The following APBA2 variants were observed in gnomAD, a reference collection of about 807,000 sequenced individuals.
APBA2 encodes amyloid beta precursor protein binding family A member 2.
In APBA2, 30 loss-of-function variants were observed where a neutral mutation model predicts 75.0. That is an observed-to-expected ratio of 0.40 (90% CI 0.30 to 0.54). The LOEUF is 0.54. Among genes scored for constraint, APBA2 ranks in the 20% least tolerant of loss-of-function variants. APBA2 has a pLI of 0.49. For missense variants in APBA2, 801 were observed against 1,016.1 expected, an observed-to-expected ratio of 0.79 and a Z score of 2.88; for synonymous variants, 444 against 409.6, an observed-to-expected ratio of 1.08 and a Z score of -1.01.
intron 2 of APBA2, among the ~76,000 whole-genome samples, chr15:28,983,634 C>CA: frequency 6.6e-6 from 1 of 152,338 alleles, no homozygotes; most frequent in East Asian, 1.9e-4. Flanking sequence ...GGGCCCCACC[C>CA]ACCCACCTCG....
At chr15:28,951,817 A>G (rs1384159276) in intron 2 of APBA2, among the ~76,000 whole-genome samples, 3 of 147,532 alleles carry the variant, frequency 2.0e-5, no homozygotes, top group Admixed American at 6.8e-5. Context: ...TCTTGACCTC[A>G]TGATCCATCC....
rs2033772390 is a variant in APBA2 at position 28,918,120 on chromosome 15, C to G, written c.-204-3520C>G. ...GAGCACTTGGGAGGCATAGGCTCGGCGGGAAGGGAAGGCCTGCAGGCTGAG... is the reference window on the plus strand; with the variant it reads ...GAGCACTTGGGAGGCATAGGCTCGGGGGGAAGGGAAGGCCTGCAGGCTGAG... On this transcript the variant is annotated intron_variant, in intron 1 of 14. Transcript: ENST00000683413. This position sits in a 1 kb window ranked among gnomAD's most constrained non-coding sequence, Gnocchi z 4.2. 6.6e-6 allele frequency among the ~76,000 whole-genome samples: 1 copy of G among 152,142 alleles called. No individual in the cohort carries two copies. The highest frequency in any genetic ancestry group is 1.5e-5 in the Non-Finnish European group (1 of 68,028).
chr15:28,972,834 T>G (rs1274688864), intron 2 of APBA2, among the ~76,000 whole-genome samples: 2 of 152,190 alleles, frequency 1.3e-5, no homozygotes, highest in Non-Finnish European at 2.9e-5. Context: ...GTCACTGTGA[T>G]CCAACACTTT....
chr15:29,098,683 C>A, intron 9 of APBA2, 107 bp downstream of exon 9: 1 of 947,238 alleles, frequency 1.1e-6, no homozygotes, highest in Non-Finnish European at 1.7e-6. Flanking sequence ...CCTGTGCTCT[C>A]TGCGCCCATC....
intron 1 of APBA2, among the ~76,000 whole-genome samples, chr15:28,908,312 C>CTTTTTTTTTTTTTTTTTTT (rs2033239571): frequency 7.0e-6 from 1 of 142,522 alleles, no homozygotes; most frequent in Admixed American, 6.7e-5. Context: ...GTTTTGTTTT[C>CTTTTTTTTTTTTTTTTTTT]TTGTTTTTTT....
chr15:28,995,029 T>G (rs574239277), intron 2 of APBA2, among the ~76,000 whole-genome samples: 6 of 152,288 alleles, frequency 3.9e-5, no homozygotes, highest in Admixed American at 2.6e-4. Flanking sequence ...GATGTGATGT[T>G]GCAGACAATT....
intron 1 of APBA2, among the ~76,000 whole-genome samples, chr15:28,890,662 GC>G (rs1167889161): frequency 1.3e-5 from 2 of 152,154 alleles, no homozygotes; most frequent in Non-Finnish European, 2.9e-5. Flanking sequence ...TTCCAGCCTG[GC>G]CCTGCCACTA....
chr15:28,942,701 T>C (rs989592183), intron 2 of APBA2, among the ~76,000 whole-genome samples: 2 of 152,168 alleles, frequency 1.3e-5, no homozygotes, highest in African/African-American at 4.8e-5. Context: ...TGGCTCCTTC[T>C]CCAGTAAGCG....
At chr15:29,041,598 A>G (rs572099175) in intron 3 of APBA2, among the ~76,000 whole-genome samples, 18 of 152,220 alleles carry the variant, frequency 1.2e-4, no homozygotes, top group South Asian at 4.2e-4. Flanking sequence ...TATGCTGGAG[A>G]CTAAAGAATA....
intron 2 of APBA2, among the ~76,000 whole-genome samples, chr15:28,977,897 C>A (rs1423634814): frequency 6.6e-6 from 1 of 152,150 alleles, no homozygotes; most frequent in African/African-American, 2.4e-5. Context: ...CCTATCTGCG[C>A]CCATCCTCAG....
intron 8 of APBA2, among the ~76,000 whole-genome samples, chr15:29,095,250 A>C (rs1229535218): frequency 1.3e-5 from 2 of 152,120 alleles, no homozygotes; most frequent in African/African-American, 4.8e-5. Flanking sequence ...CAACATGGAG[A>C]AACCCCGTCT....
Position 28,906,166 on chromosome 15 carries a change from C to T in APBA2, c.-204-15474C>T, listed in dbSNP as rs529915708. On this transcript the variant is annotated intron_variant, in intron 1 of 14. Coordinates refer to ENST00000683413, the MANE Select transcript of APBA2 (RefSeq NM_001353788.2). ...TGTGTCTTAGCCATGATCCCTTGTC[C>T]GTTGTGCATAGCAGCATTATTCTTT... Among the ~76,000 whole-genome samples the T allele has an allele frequency of 1.6e-4, 24 of 152,248 alleles. No homozygotes were observed. In the South Asian group the frequency reaches 2.1e-3, roughly 13 times the overall value.
chr15:29,014,792 T>G (rs1458349462), intron 3 of APBA2, among the ~76,000 whole-genome samples: 1 of 151,462 alleles, frequency 6.6e-6, no homozygotes, highest in Non-Finnish European at 1.5e-5. Flanking sequence ...CACTGCAGCC[T>G]TGGACTCCTG....
At chr15:28,897,850 C>T (rs1167718325) in intron 1 of APBA2, among the ~76,000 whole-genome samples, 18 of 152,128 alleles carry the variant, frequency 1.2e-4, no homozygotes, top group Admixed American at 1.2e-3. Context: ...CTTCAAATGA[C>T]ATCAGGTTCT....
intron 6 of APBA2, among the ~76,000 whole-genome samples, chr15:29,088,535 C>A (rs59969852): frequency 0.12 from 18,035 of 152,176 alleles, 2,541 homozygotes; most frequent in African/African-American, 0.34. Context: ...CTCCAGTCCA[C>A]CTTTCCGTCC....
At chr15:28,931,333 G>A (rs1595486625) in intron 2 of APBA2, among the ~76,000 whole-genome samples, 1 of 152,196 alleles carries the variant, frequency 6.6e-6, no homozygotes, top group Non-Finnish European at 1.5e-5. Context: ...GTAGCTCCTG[G>A]ATCTTAGCGG....
intron 3 of APBA2, among the ~76,000 whole-genome samples, chr15:29,030,771 TC>T (rs1352090195): frequency 1.3e-5 from 2 of 149,862 alleles, no homozygotes; most frequent in Non-Finnish European, 2.9e-5. Flanking sequence ...GTGTAAAACC[TC>T]CGCCTTCTCT....
At chr15:28,903,109 C>T (rs532575860) in intron 1 of APBA2, among the ~76,000 whole-genome samples, 12 of 152,258 alleles carry the variant, frequency 7.9e-5, no homozygotes, top group Non-Finnish European at 5.9e-5. Context: ...TCTGTGGTGC[C>T]GGCCAGGTTC....
chr15:28,898,731 G>A (rs2032662815), intron 1 of APBA2, among the ~76,000 whole-genome samples: 2 of 152,136 alleles, frequency 1.3e-5, no homozygotes, highest in Admixed American at 6.6e-5. Context: ...TCATGATCTT[G>A]GAGTTTTCAA....
Sources: gnomAD v4.1 joint callset for allele counts (sites outside exome capture counted in the v4.1 genomes callset) on GRCh38, gnomAD v4.1.1 for gene constraint, Gnocchi (gnomAD v3.1) non-coding constraint, MANE v1.5 for transcripts, NCBI Gene and HGNC (gene_info 2026-07-23, HGNC 2026-07-21) for gene names.